The following ZYG11B variants were observed in gnomAD, a reference collection of about 807,000 sequenced individuals.
ZYG11B encodes the protein zyg-11 family member B, cell cycle regulator, also known as protein zyg-11 homolog B.
ZYG11B carries 36 observed loss-of-function variants against 82.4 expected under a neutral mutation model. The ratio of observed to expected loss-of-function variants is 0.44; its 90% CI spans 0.33 to 0.58. ZYG11B has a LOEUF of 0.58. Ranked by LOEUF, ZYG11B falls within the 20% of genes least tolerant of loss-of-function variation. The pLI, the probability that ZYG11B is intolerant of heterozygous loss-of-function variation, is 0.02. For missense variants in ZYG11B, 552 were observed against 895.6 expected (o/e 0.62, Z 4.90); for synonymous variants, 303 against 312.8 (o/e 0.97, Z 0.33).
intron 1 of ZYG11B, among the ~76,000 whole-genome samples, chr1:52,731,224 G>A (rs1237474759): frequency 6.7e-6 from 1 of 149,450 alleles, no homozygotes; most frequent in African/African-American, 2.5e-5. Context: ...AGTGTGAGCT[G>A]CGATTGTGCC....
chr1:52,771,527 A>C lies in ZYG11B; in HGVS notation c.704A>C (p.Glu235Ala), dbSNP rs747158377. 1.2e-6 allele frequency: 2 copies of C among 1,614,050 alleles called. No homozygotes were observed. Among genetic ancestry groups the C allele is most frequent in the South Asian group, 2.2e-5 (2 of 91,086 alleles). The stretch of plus-strand genomic sequence containing the variant: ...ACCCAGATACTGGATGTAGTTCGGG[A>C]ACTCAAACATCTGAATCATCTTGAT... ...TTTQILDVVR[E>A]LKHLNHLDIS... The change falls in exon 3 of 14, where the codon GAA becomes GCA. Residue 235 changes from glutamate (E) to alanine (A), a missense_variant. Transcript: ENST00000294353. The surrounding 1 kb of genome is among the most constrained non-coding windows in gnomAD (Gnocchi z 5.4).
intron 1 of ZYG11B, among the ~76,000 whole-genome samples, chr1:52,748,633 C>T (rs1333607965): frequency 1.3e-5 from 2 of 152,118 alleles, no homozygotes; most frequent in African/African-American, 2.4e-5. Flanking sequence ...GAGTCCGAGG[C>T]GGGCAGATCA....
At chr1:52,778,416 C>T (rs1465486600) in intron 3 of ZYG11B, among the ~76,000 whole-genome samples, 3 of 152,074 alleles carry the variant, frequency 2.0e-5, no homozygotes, top group Non-Finnish European at 2.9e-5. Context: ...ATAAGCCACT[C>T]TGCCAGCCTG....
intron 10 of ZYG11B, among the ~76,000 whole-genome samples, chr1:52,803,097 T>TATATATATATATATACACAC (rs1212524091): frequency 4.5e-5 from 2 of 44,832 alleles, no homozygotes; most frequent in Non-Finnish European, 8.7e-5. Context: ...CATATATATA[T>TATATATATATATATACACAC]ACATATATAT....
intron 2 of ZYG11B, among the ~76,000 whole-genome samples, chr1:52,766,183 C>T (rs1444322674): frequency 1.4e-5 from 2 of 144,268 alleles, no homozygotes; most frequent in African/African-American, 2.6e-5. Context: ...TGCAGTGGTG[C>T]GATCTTGGCT....
chr1:52,792,718 T>C (rs1315620938), intron 6 of ZYG11B, among the ~76,000 whole-genome samples: 1 of 152,234 alleles, frequency 6.6e-6, no homozygotes, highest in Non-Finnish European at 1.5e-5. Context: ...AAGTCAATTA[T>C]ATTAGTAAAA....
chr1:52,734,821 C>T (rs926630373), intron 1 of ZYG11B, among the ~76,000 whole-genome samples: 2 of 151,838 alleles, frequency 1.3e-5, no homozygotes, highest in South Asian at 4.2e-4. Context: ...GTCCACCTCC[C>T]GGGTTCAAAC....
chr1:52,781,069 G>A (rs909051870), intron 4 of ZYG11B, among the ~76,000 whole-genome samples: 8 of 152,086 alleles, frequency 5.3e-5, no homozygotes, highest in African/African-American at 1.9e-4. Context: ...CTGGGAGGCC[G>A]AGTTTACAGT....
intron 2 of ZYG11B, among the ~76,000 whole-genome samples, chr1:52,766,121 T>A (rs199650852): frequency 1.2e-4 from 13 of 111,728 alleles, no homozygotes; most frequent in African/African-American, 4.4e-4. Context: ...TTTTTTTAAA[T>A]TTTTTTTTTT....
At chr1:52,742,457 A>G (rs917977685) in intron 1 of ZYG11B, among the ~76,000 whole-genome samples, 1 of 152,034 alleles carries the variant, frequency 6.6e-6, no homozygotes, top group Non-Finnish European at 1.5e-5. Context: ...GTCTCTAAAA[A>G]AAATAAAAGA....
chr1:52,762,979 G>C (rs1252436417), intron 2 of ZYG11B, among the ~76,000 whole-genome samples: 36 of 130,354 alleles, frequency 2.8e-4, no homozygotes, highest in East Asian at 6.9e-4. Flanking sequence ...GAGAGATTGG[G>C]GGGGGGGGGT....
At chr1:52,727,736 T>G (rs1206361627) in intron 1 of ZYG11B, among the ~76,000 whole-genome samples, 3 of 152,116 alleles carry the variant, frequency 2.0e-5, no homozygotes, top group Non-Finnish European at 1.5e-5. Context: ...AACCTTATAT[T>G]TGCAAATTTT....
At chr1:52,767,043 GTTATT>G (rs1401122156) in intron 2 of ZYG11B, among the ~76,000 whole-genome samples, 14 of 149,372 alleles carry the variant, frequency 9.4e-5, no homozygotes, top group African/African-American at 3.2e-4. Context: ...TTTATTTTAT[GTTATT>G]TTATTTTATG....
intron 10 of ZYG11B, among the ~76,000 whole-genome samples, chr1:52,807,130 G>A (rs952431869): frequency 2.6e-5 from 4 of 151,894 alleles, no homozygotes; most frequent in African/African-American, 7.3e-5. Flanking sequence ...GCCTCCCAAA[G>A]TGCTGGGATT....
At chr1:52,800,956 T>TA (rs2149958121) in intron 8 of ZYG11B, among the ~76,000 whole-genome samples, 2 of 152,364 alleles carry the variant, frequency 1.3e-5, no homozygotes, top group South Asian at 4.1e-4. Context: ...TTAACAGAGC[T>TA]TCCTTTTTTA....
intron 10 of ZYG11B, among the ~76,000 whole-genome samples, chr1:52,812,465 C>T (rs933446724): frequency 3.8e-4 from 58 of 151,218 alleles, no homozygotes; most frequent in African/African-American, 1.4e-3. Flanking sequence ...TGCAGTGATA[C>T]GATTTCCACT....
chr1:52,762,586 A>G (rs1271885538), intron 2 of ZYG11B, among the ~76,000 whole-genome samples: 2 of 150,060 alleles, frequency 1.3e-5, no homozygotes, highest in Non-Finnish European at 3.0e-5. Context: ...TATTTTTTTC[A>G]TTTGTTTTTT....
chr1:52,777,255 A>G (rs552408244), intron 3 of ZYG11B, among the ~76,000 whole-genome samples: 2 of 152,206 alleles, frequency 1.3e-5, no homozygotes, highest in Admixed American at 6.5e-5. Context: ...AATGGAAGTA[A>G]AGAAACTTTT....
At chr1:52,794,225 C>T (rs6684837) in intron 6 of ZYG11B, among the ~76,000 whole-genome samples, 24,580 of 152,058 alleles carry the variant, frequency 0.16, 2,557 homozygotes, top group Non-Finnish European at 0.22. Context: ...CCGCCCACCT[C>T]GGCCTCCCAA....
Sources: gnomAD v4.1 joint callset for allele counts (sites outside exome capture counted in the v4.1 genomes callset) on GRCh38, gnomAD v4.1.1 for gene constraint, Gnocchi (gnomAD v3.1) non-coding constraint, MANE v1.5 for transcripts, NCBI Gene and HGNC (gene_info 2026-07-23, HGNC 2026-07-21) for gene names.